DENND1A: variants seen among roughly 807,000 people sequenced by gnomAD.
The protein encoded by DENND1A is DENN domain-containing protein 1A.
A neutral mutation model predicts 113.7 loss-of-function variants in DENND1A; 51 were observed. The observed-to-expected ratio is 0.45, with a 90% CI of 0.36 to 0.57. The LOEUF is 0.57. Among genes scored for constraint, DENND1A ranks in the 20% least tolerant of loss-of-function variants. The pLI, the probability that DENND1A is intolerant of heterozygous loss-of-function variation, is 0.00. For missense variants in DENND1A, 1,258 were observed against 1,395.9 expected (o/e 0.90, Z 1.57); for synonymous variants, 565 against 570.8 (o/e 0.99, Z 0.14).
chr9:123,643,905 C>T (rs2062163179), intron 9 of DENND1A, among the ~76,000 whole-genome samples: 1 of 152,184 alleles, frequency 6.6e-6, no homozygotes, highest in Non-Finnish European at 1.5e-5. Context: ...TGACGACGAC[C>T]AGGCAGAGGT....
In DENND1A at chr9:123,713,367, T is replaced by C. The variant is rs542739279; in HGVS notation, c.303-36578A>G. On this transcript the variant is annotated intron_variant, in intron 5 of 23. Coordinates refer to ENST00000394215, the MANE Select transcript of DENND1A (RefSeq NM_001352964.2). The stretch of plus-strand genomic sequence containing the variant: ...CAAGGAATCTCGATCCTTCAAATAC[T>C]ATTAAAGAGGTAATATAAAAGAACT... Among the ~76,000 whole-genome samples, 13 of 152,324 alleles carry C rather than the reference T, an allele frequency of 8.5e-5. No individual in the cohort carries two copies. The East Asian group carries it at 2.5e-3, about 29-fold the overall frequency.
chr9:123,879,871 G>A (rs556377036), intron 1 of DENND1A, among the ~76,000 whole-genome samples: 8 of 152,288 alleles, frequency 5.3e-5, no homozygotes, highest in Non-Finnish European at 1.0e-4. Flanking sequence ...GTAAGACACT[G>A]TTCCCACATA....
At chr9:123,909,432 AAAG>A (rs1225910146) in intron 1 of DENND1A, among the ~76,000 whole-genome samples, 1 of 151,142 alleles carries the variant, frequency 6.6e-6, no homozygotes, top group African/African-American at 2.4e-5. Flanking sequence ...AAACTGGAAA[AAAG>A]AAAAATTATA....
chr9:123,656,586 A>G (rs1182800150), intron 8 of DENND1A, among the ~76,000 whole-genome samples: 1 of 152,178 alleles, frequency 6.6e-6, no homozygotes, highest in Non-Finnish European at 1.5e-5. Flanking sequence ...ATTACTATGC[A>G]CCATACTAGT....
intron 13 of DENND1A, among the ~76,000 whole-genome samples, chr9:123,502,909 A>G (rs2052613005): frequency 6.6e-6 from 1 of 152,222 alleles, no homozygotes; most frequent in South Asian, 2.1e-4. Context: ...ATAACTTTCT[A>G]AAAATTATTT....
intron 8 of DENND1A, among the ~76,000 whole-genome samples, chr9:123,652,657 T>C (rs954763053): frequency 6.6e-6 from 1 of 152,208 alleles, no homozygotes; most frequent in African/African-American, 2.4e-5. Context: ...CGAGCTCCTC[T>C]CCCGTCATCA....
chr9:123,583,595 G>A (rs774957105), intron 11 of DENND1A, among the ~76,000 whole-genome samples: 13 of 152,120 alleles, frequency 8.5e-5, no homozygotes, highest in Non-Finnish European at 1.8e-4. Flanking sequence ...TTTAACAGAC[G>A]CTGAGGTCAA....
chr9:123,727,496 G>A (rs1039955481), intron 5 of DENND1A, among the ~76,000 whole-genome samples: 3 of 152,146 alleles, frequency 2.0e-5, no homozygotes, highest in Non-Finnish European at 4.4e-5. Context: ...TGTATCCTTT[G>A]AAGCTACTTG....
rs867940903 is a variant in DENND1A, at chr9:123,807,004, G to C, written c.89-14374C>G. Among the ~76,000 whole-genome samples the C allele has an allele frequency of 1.4e-4, 22 of 152,072 alleles. 1 individual carries two copies. Among genetic ancestry groups the C allele is most frequent in the African/African-American group, 5.1e-4 (21 of 41,414 alleles). ...TCAAGCATCATTGCAAAAATTGAAA[G>C]AGTGTTAATAAGTTCAAGTGATGCA... On this transcript the variant is annotated intron_variant, in intron 2 of 23. Coordinates refer to ENST00000394215, the MANE Select transcript of DENND1A (RefSeq NM_001352964.2).
chr9:123,884,806 G>A (rs1282262678), intron 1 of DENND1A, among the ~76,000 whole-genome samples: 1 of 152,096 alleles, frequency 6.6e-6, no homozygotes, highest in African/African-American at 2.4e-5. Flanking sequence ...AAATGACCAA[G>A]CAGCAGAATC....
At chr9:123,863,528 C>T (rs1412224226) in intron 2 of DENND1A, among the ~76,000 whole-genome samples, 1 of 152,030 alleles carries the variant, frequency 6.6e-6, no homozygotes, top group Non-Finnish European at 1.5e-5. Flanking sequence ...ACTAATCCTT[C>T]GAACACTTGT....
chr9:123,732,254 A>G (rs933943470), intron 5 of DENND1A, among the ~76,000 whole-genome samples: 3 of 152,240 alleles, frequency 2.0e-5, no homozygotes, highest in African/African-American at 7.2e-5. Context: ...TGTTTGTAAC[A>G]GTTTTATTCA....
At chr9:123,385,186 C>T (rs984552053) in intron 22 of DENND1A, among the ~76,000 whole-genome samples, 30 of 152,012 alleles carry the variant, frequency 2.0e-4, no homozygotes, top group East Asian at 1.7e-3. Flanking sequence ...ATTTTTCAGA[C>T]GGAGTTTCAC....
At chr9:123,403,200 GC>G (rs1385517723) in intron 21 of DENND1A, among the ~76,000 whole-genome samples, 1 of 152,214 alleles carries the variant, frequency 6.6e-6, no homozygotes, top group African/African-American at 2.4e-5. Flanking sequence ...CGGCTCCCTG[GC>G]CTCTGGGGCC....
chr9:123,737,410 A>T (rs2068647989), intron 5 of DENND1A, among the ~76,000 whole-genome samples: 1 of 151,810 alleles, frequency 6.6e-6, no homozygotes, highest in Non-Finnish European at 1.5e-5. Context: ...CTGTTCTCGA[A>T]CTCCTGGGTT....
intron 10 of DENND1A, among the ~76,000 whole-genome samples, chr9:123,629,077 T>C (rs1589421755): frequency 6.6e-6 from 1 of 152,180 alleles, no homozygotes; most frequent in Non-Finnish European, 1.5e-5. Flanking sequence ...GTGGAATGCC[T>C]TCAAGCTCCT....
intron 13 of DENND1A, among the ~76,000 whole-genome samples, chr9:123,505,061 A>T (rs1453179526): frequency 6.6e-6 from 1 of 152,232 alleles, no homozygotes; most frequent in Non-Finnish European, 1.5e-5. Flanking sequence ...AGACAGTCAC[A>T]TATTTCTGCA....
In DENND1A at chr9:123,676,860, A is replaced by T; in HGVS notation, c.303-71T>A. 3 of 1,403,606 alleles carry T rather than the reference A, an allele frequency of 2.1e-6. No individual in the cohort carries two copies. The East Asian group carries it at 6.9e-5, about 32-fold the overall frequency. The allele number at this position is 1,403,606 out of a possible 1,614,324, so 86.9% of individuals were successfully genotyped here. A position where few individuals can be genotyped will look rare whatever the true frequency, so the allele number is the denominator to read the frequency against. On this transcript the variant is annotated intron_variant, in intron 5 of 23. Transcript: ENST00000394215. The stretch of plus-strand genomic sequence containing the variant: ...AAAACTTTAACCAGGATCTAATTCA[A>T]GACTGATACATTTCAGTTTTGCTCT...
chr9:123,597,617 T>C (rs1278882919), intron 11 of DENND1A, among the ~76,000 whole-genome samples: 1 of 152,150 alleles, frequency 6.6e-6, no homozygotes, highest in Non-Finnish European at 1.5e-5. Context: ...CCTAGGGTCA[T>C]TAGAACAGGG....
Sources: allele counts gnomAD v4.1 joint callset (sites outside exome capture counted in the v4.1 genomes callset), GRCh38; gene constraint gnomAD v4.1.1; transcripts MANE v1.5; gene names NCBI Gene and HGNC (gene_info 2026-07-23, HGNC 2026-07-21).